Variants in PCNX2 observed in about 807,000 individuals in gnomAD.
PCNX2 encodes the protein pecanex-like protein 2.
Under a neutral mutation model 223.8 loss-of-function variants are expected in PCNX2, and 168 were observed. The ratio of observed to expected loss-of-function variants is 0.75; its 90% CI spans 0.66 to 0.85. PCNX2 has a LOEUF of 0.85. Ranked by LOEUF, PCNX2 falls within the 40% of genes least tolerant of loss-of-function variation. The probability of loss-of-function intolerance (pLI) is 0.00; values close to 1 mark genes in which losing one functional copy is unlikely to be tolerated. For missense variants in PCNX2, 2,507 were observed against 2,675.5 expected, an observed-to-expected ratio of 0.94 and a Z score of 1.39; for synonymous variants, 1,006 against 1,052.6, an observed-to-expected ratio of 0.96 and a Z score of 0.86.
Position 233,208,591 on chromosome 1 carries a change from A to G in PCNX2, c.2790T>C (p.Pro930=). ...TCAGGCCATACACAACGTAACTGGG[A>G]GGGTGCCTGGCTTTGGCCCCTGTAT... ...LLDTGAKARH[P]PSYVVYGLKL... The change falls in exon 13 of 34, where the codon CCT becomes CCC. Residue 930 remains proline (P), a synonymous_variant. Coordinates refer to ENST00000258229, the MANE Select transcript of PCNX2 (RefSeq NM_014801.4). 6.2e-7 allele frequency: 1 copy of G among 1,613,916 alleles called. No individual in the cohort carries two copies. Among genetic ancestry groups the G allele is most frequent in the Non-Finnish European group, 8.5e-7 (1 of 1,179,874 alleles).
intron 25 of PCNX2, among the ~76,000 whole-genome samples, chr1:233,029,202 G>T (rs1671184037): frequency 6.6e-6 from 1 of 151,952 alleles, no homozygotes; most frequent in Non-Finnish European, 1.5e-5. Flanking sequence ...CAGCTTTTTA[G>T]CCATACCTCT....
At chr1:233,212,385 A>T (rs1258193167) in intron 12 of PCNX2, among the ~76,000 whole-genome samples, 1 of 152,242 alleles carries the variant, frequency 6.6e-6, no homozygotes, top group Non-Finnish European at 1.5e-5. Flanking sequence ...CGTCAATTTA[A>T]ATATAGCAGA....
At chr1:233,272,188 C>T (rs6702244) in intron 1 of PCNX2, among the ~76,000 whole-genome samples, 2,259 of 151,880 alleles carry the variant, frequency 0.015, 64 homozygotes, top group African/African-American at 0.052. Flanking sequence ...AAGAAACAAT[C>T]AGCAGAGTAA....
intron 9 of PCNX2, among the ~76,000 whole-genome samples, chr1:233,235,957 A>ATATAT (rs1553319645): frequency 1.3e-3 from 120 of 93,098 alleles, no homozygotes; most frequent in African/African-American, 4.1e-3. Context: ...CATAAAAAAA[A>ATATAT]ATATATATAT....
At chr1:233,217,034 T>C (rs1656988613) in intron 12 of PCNX2, among the ~76,000 whole-genome samples, 1 of 151,970 alleles carries the variant, frequency 6.6e-6, no homozygotes, top group African/African-American at 2.4e-5. Flanking sequence ...AAAAAGCGAA[T>C]AGAATGGTGG....
chr1:233,202,951 G>A (rs1210677610), intron 13 of PCNX2, among the ~76,000 whole-genome samples: 5 of 152,100 alleles, frequency 3.3e-5, no homozygotes, highest in African/African-American at 7.2e-5. Context: ...CCTATTCTAC[G>A]GTAGGGCAGC....
chr1:232,997,553 T>C (rs1669917975), intron 32 of PCNX2, among the ~76,000 whole-genome samples: 1 of 152,174 alleles, frequency 6.6e-6, no homozygotes, highest in Non-Finnish European at 1.5e-5. Flanking sequence ...GGGCAGAGCA[T>C]CCATCTCTTT....
chr1:233,040,759 C>T (rs1234104386), intron 25 of PCNX2, among the ~76,000 whole-genome samples: 2 of 152,200 alleles, frequency 1.3e-5, no homozygotes, highest in Middle Eastern at 3.4e-3. Context: ...TCCTGGTGCC[C>T]GGTCCAATCT....
chr1:233,132,735 C>A (rs1409171371), intron 21 of PCNX2, among the ~76,000 whole-genome samples: 1 of 151,996 alleles, frequency 6.6e-6, no homozygotes, highest in Non-Finnish European at 1.5e-5. Flanking sequence ...TTCTACTTAA[C>A]TTTTTTCAGT....
chr1:233,298,700 C>A (rs1161837450), upstream of PCNX2, among the ~76,000 whole-genome samples: 3 of 152,026 alleles, frequency 2.0e-5, no homozygotes, highest in Non-Finnish European at 4.4e-5. Context: ...ACCAGCCTGG[C>A]CAACATGATG....
intron 23 of PCNX2, among the ~76,000 whole-genome samples, chr1:233,089,296 T>G (rs1673755597): frequency 6.6e-6 from 1 of 152,036 alleles, no homozygotes; most frequent in African/African-American, 2.4e-5. Context: ...CATGGAGCAA[T>G]GCAAAGGTCT....
intron 21 of PCNX2, among the ~76,000 whole-genome samples, chr1:233,120,439 G>T (rs1675715464): frequency 6.6e-6 from 1 of 152,102 alleles, no homozygotes. Flanking sequence ...AAACAATAGT[G>T]GGAATAGAAA....
intron 13 of PCNX2, among the ~76,000 whole-genome samples, chr1:233,206,023 G>A (rs12744477): frequency 8.5e-5 from 13 of 152,096 alleles, no homozygotes; most frequent in South Asian, 4.1e-4. Context: ...GGGGGAGGCC[G>A]CAGAACAGCT....
intron 13 of PCNX2, among the ~76,000 whole-genome samples, chr1:233,200,988 T>A (rs1681060669): frequency 7.7e-6 from 1 of 130,654 alleles, no homozygotes. Context: ...ATTGCACCAC[T>A]GCACTCCAGC....
At chr1:233,319,474 A>G in the PCNX2 span, among the ~76,000 whole-genome samples, 2 of 152,240 alleles carry the variant, frequency 1.3e-5, no homozygotes, top group African/African-American at 4.8e-5. Flanking sequence ...CTCTGAGCTT[A>G]TGGTCGTCAG....
At chr1:233,082,970 A>G (rs963013161) in intron 23 of PCNX2, among the ~76,000 whole-genome samples, 2 of 152,204 alleles carry the variant, frequency 1.3e-5, no homozygotes, top group Admixed American at 6.5e-5. Flanking sequence ...AACCAGTAAG[A>G]GGAGAGTTGA....
Position 233,290,866 on chromosome 1 carries a change from C to T in PCNX2, c.153+4460G>A, listed in dbSNP as rs1661720553. On this transcript the variant is annotated intron_variant, in intron 1 of 33. Transcript: ENST00000258229. Reference sequence around the variant, plus strand: ...GAAAGACAGGCTTTCTGTCCACAAGCGGGGAAAGGGCTGCCCATACAAACA... The same window carrying T: ...GAAAGACAGGCTTTCTGTCCACAAGTGGGGAAAGGGCTGCCCATACAAACA... 5.1e-6 allele frequency: 5 copies of T among 985,238 alleles called. No individual in the cohort carries two copies. The African/African-American group carries it at 7.0e-5, about 14-fold the overall frequency. 61.0% of individuals were successfully genotyped at this position (985,238 alleles called of 1,614,324 possible).
chr1:233,057,885 A>G (rs1023537724), intron 23 of PCNX2: 10 of 985,346 alleles, frequency 1.0e-5, no homozygotes, highest in Non-Finnish European at 1.2e-5. Context: ...TAAACTGCCA[A>G]TGTAATGCTA....
At position 233,218,013 on chromosome 1, in the gene PCNX2, A is replaced by C; in HGVS notation, c.2658+18T>G. 1 of 1,611,914 alleles carries C rather than the reference A, an allele frequency of 6.2e-7. No individual in the cohort carries two copies. Among genetic ancestry groups the C allele is most frequent in the Non-Finnish European group, 8.5e-7 (1 of 1,179,052 alleles). On this transcript the variant is annotated intron_variant, in intron 11 of 33. Transcript: ENST00000258229. ...AGTGACAGCACACGCTACTGGTAAG[A>C]ATTAGATGTGGTCTTGCCTTTAGCA...
Sources: gnomAD v4.1 joint callset for allele counts (sites outside exome capture counted in the v4.1 genomes callset) on GRCh38, gnomAD v4.1.1 for gene constraint, MANE v1.5 for transcripts, NCBI Gene and HGNC (gene_info 2026-07-23, HGNC 2026-07-21) for gene names.